Variants in LARGE1 observed in about 807,000 individuals in gnomAD.
The protein encoded by LARGE1 is LARGE xylosyl- and glucuronyltransferase 1.
Under a neutral mutation model 87.6 loss-of-function variants are expected in LARGE1, and 43 were observed. The ratio of observed to expected loss-of-function variants is 0.49; its 90% confidence interval spans 0.38 to 0.63. LARGE1 has a LOEUF of 0.63. Among genes scored for constraint, LARGE1 ranks in the 30% least tolerant of loss-of-function variants. The pLI, the probability that LARGE1 is intolerant of heterozygous loss-of-function variation, is 0.00. For synonymous variants in LARGE1, 434 were observed against 394.6 expected (o/e 1.10, Z -1.18); for missense variants, 802 against 1,000.2 (o/e 0.80, Z 2.67).
At chr22:33,411,312 C>T (rs554024773) in intron 7 of LARGE1, among the ~76,000 whole-genome samples, 73 of 152,366 alleles carry the variant, frequency 4.8e-4, no homozygotes, top group Non-Finnish European at 1.0e-3. Context: ...CACTTGGCCA[C>T]TGGTCAACGA....
intron 1 of LARGE1, among the ~76,000 whole-genome samples, chr22:33,904,423 G>A (rs761288115): frequency 6.6e-6 from 1 of 152,168 alleles, no homozygotes; most frequent in African/African-American, 2.4e-5. Context: ...CAAAGTGCTA[G>A]GATTACAGGT....
At chr22:33,330,884 C>T (rs969043985) in intron 10 of LARGE1, among the ~76,000 whole-genome samples, 1 of 152,146 alleles carries the variant, frequency 6.6e-6, no homozygotes, top group African/African-American at 2.4e-5. Context: ...ACCAAATAGC[C>T]TCTTCTTCCT....
intron 2 of LARGE1, chr22:33,747,886 T>C (rs1272826187): frequency 6.6e-6 from 1 of 152,226 alleles, no homozygotes; most frequent in Non-Finnish European, 1.5e-5. Context: ...AGAAAGCTCA[T>C]GTCCAAGAGG....
chr22:33,776,546 A>G (rs2085244055), intron 1 of LARGE1, among the ~76,000 whole-genome samples: 2 of 152,146 alleles, frequency 1.3e-5, no homozygotes, highest in Admixed American at 1.3e-4. Context: ...CCTTAATCAC[A>G]TCCATGGGAC....
chr22:33,621,359 T>G (rs1223858305), intron 4 of LARGE1, among the ~76,000 whole-genome samples: 2 of 152,220 alleles, frequency 1.3e-5, no homozygotes, highest in Non-Finnish European at 2.9e-5. Flanking sequence ...GCAGCAATTG[T>G]CAGCGTTGGC....
intron 11 of LARGE1, among the ~76,000 whole-genome samples, chr22:33,187,247 C>T (rs2097372): frequency 0.15 from 22,073 of 152,140 alleles, 1,661 homozygotes; most frequent in East Asian, 0.21. Flanking sequence ...ACTACGTGCA[C>T]ATCAATGAAT....
intron 2 of LARGE1, among the ~76,000 whole-genome samples, chr22:33,741,109 T>A (rs1469823716): frequency 6.6e-6 from 1 of 152,220 alleles, no homozygotes; most frequent in Admixed American, 6.5e-5. Flanking sequence ...CAAGCCTTTG[T>A]CAAAATATGT....
intron 7 of LARGE1, among the ~76,000 whole-genome samples, chr22:33,391,916 C>T (rs2065542403): frequency 6.6e-6 from 1 of 151,502 alleles, no homozygotes; most frequent in Admixed American, 6.6e-5. Flanking sequence ...ATTATAGGTG[C>T]CCACCACCAC....
chr22:33,903,847 A>C (rs1207608758), intron 1 of LARGE1, among the ~76,000 whole-genome samples: 1 of 152,098 alleles, frequency 6.6e-6, no homozygotes, highest in African/African-American at 2.4e-5. Flanking sequence ...AAAACAAAAA[A>C]AGTCTTGAAA....
At chr22:33,615,117 G>A (rs963972248) in intron 4 of LARGE1, among the ~76,000 whole-genome samples, 2 of 152,100 alleles carry the variant, frequency 1.3e-5, no homozygotes, top group Admixed American at 6.5e-5. Context: ...TGAAATAATC[G>A]ACTATTTACT....
chr22:33,887,238 T>C (rs978950514), intron 1 of LARGE1, among the ~76,000 whole-genome samples: 1 of 152,156 alleles, frequency 6.6e-6, no homozygotes, highest in Admixed American at 6.5e-5. Context: ...TTGGGAGCTG[T>C]TCATACCATG....
intron 1 of LARGE1, among the ~76,000 whole-genome samples, chr22:33,775,712 T>C (rs543185102): frequency 1.3e-4 from 19 of 151,926 alleles, no homozygotes; most frequent in Non-Finnish European, 7.4e-5. Flanking sequence ...AATTAGCTGG[T>C]ATGGTGGTGC....
intron 1 of LARGE1, among the ~76,000 whole-genome samples, chr22:33,813,671 A>C (rs575835150): frequency 2.0e-4 from 31 of 152,200 alleles, no homozygotes; most frequent in Non-Finnish European, 4.3e-4. Flanking sequence ...TTTTCTGCCT[A>C]GTAAAGATCT....
At chr22:33,627,515 C>G (rs535633696) in intron 3 of LARGE1, among the ~76,000 whole-genome samples, 1 of 152,208 alleles carries the variant, frequency 6.6e-6, no homozygotes, top group Admixed American at 6.5e-5. Context: ...GATGCCTTTT[C>G]TTTTCCAGAA....
In LARGE1 at chr22:33,622,266, G is replaced by C. The variant is rs910695058; in HGVS notation, c.491+3978C>G. Among the ~76,000 whole-genome samples the C allele has an allele frequency of 3.9e-5, 6 of 152,154 alleles. No individual in the cohort carries two copies. In the East Asian group the frequency reaches 1.2e-3, roughly 29 times the overall value. The stretch of plus-strand genomic sequence containing the variant: ...CCCCATGCTGTTCTCATGATAGTGA[G>C]CGAGTGAGTTCTCACCAGATCTGAT... On this transcript the variant is annotated intron_variant, in intron 4 of 14. Transcript: ENST00000397394.
At chr22:33,475,938 C>G (rs887049088) in intron 6 of LARGE1, among the ~76,000 whole-genome samples, 1 of 152,166 alleles carries the variant, frequency 6.6e-6, no homozygotes, top group Non-Finnish European at 1.5e-5. Flanking sequence ...CCCAAAATCA[C>G]TAAGCCAAAG....
At chr22:33,785,186 T>C (rs868408577) in intron 1 of LARGE1, among the ~76,000 whole-genome samples, 5 of 150,526 alleles carry the variant, frequency 3.3e-5, no homozygotes, top group Middle Eastern at 3.4e-3. Flanking sequence ...TATGTGTATA[T>C]ACATATATGT....
At chr22:33,880,373 T>C (rs1171313469) in intron 1 of LARGE1, among the ~76,000 whole-genome samples, 1 of 152,180 alleles carries the variant, frequency 6.6e-6, no homozygotes, top group African/African-American at 2.4e-5. Context: ...CATTTGAACA[T>C]TCTAACTATC....
chr22:33,903,052 A>G (rs1235418218), intron 1 of LARGE1, among the ~76,000 whole-genome samples: 4 of 152,198 alleles, frequency 2.6e-5, no homozygotes, highest in Non-Finnish European at 1.5e-5. Flanking sequence ...GACACGCTTG[A>G]ACCCGGGAGG....
Sources: gnomAD v4.1 joint callset for allele counts (sites outside exome capture counted in the v4.1 genomes callset) on GRCh38, gnomAD v4.1.1 for gene constraint, MANE v1.5 for transcripts, NCBI Gene and HGNC (gene_info 2026-07-23, HGNC 2026-07-21) for gene names.